The following ERAP2 variants were observed in gnomAD, a reference collection of about 807,000 sequenced individuals.
ERAP2 encodes the protein leukocyte-derived arginine aminopeptidase.
In ERAP2, 118 loss-of-function variants were observed where a neutral mutation model predicts 111.1. The ratio of observed to expected loss-of-function variants is 1.06; its 90% CI spans 0.92 to 1.24. The LOEUF is 1.24. ERAP2 is among the 50% of genes most tolerant of loss of function. The probability of loss-of-function intolerance (pLI) is 0.00; values close to 1 mark genes in which losing one functional copy is unlikely to be tolerated. For synonymous variants in ERAP2, 410 were observed against 401.2 expected (o/e 1.02, Z -0.26); for missense variants, 1,131 against 1,125.8 (o/e 1.00, Z -0.07).
rs747564502 is a variant in ERAP2 at position 96,901,699 on chromosome 5, T to A, written c.1748+18T>A. 1 of 1,611,292 alleles carries A rather than the reference T, an allele frequency of 6.2e-7. No individual in the cohort carries two copies. The highest frequency in any genetic ancestry group is 8.5e-7 in the Non-Finnish European group (1 of 1,178,994). ...CAGGAGAGGTGGCTGCTTTTCTTCT[T>A]TAGGTCTAGCTTACCTCATCTCAGT... On this transcript the variant is annotated intron_variant, in intron 11 of 18. Coordinates refer to ENST00000437043, the MANE Select transcript of ERAP2 (RefSeq NM_022350.5).
At chr5:96,897,287 A>G (rs2151164026) in intron 9 of ERAP2, among the ~76,000 whole-genome samples, 1 of 152,308 alleles carries the variant, frequency 6.6e-6, no homozygotes, top group East Asian at 1.9e-4. Context: ...TCTCTAGATC[A>G]TTGTGCCTAT....
At chr5:96,882,052 G>C (rs1431747746) in intron 2 of ERAP2, among the ~76,000 whole-genome samples, 3 of 152,110 alleles carry the variant, frequency 2.0e-5, no homozygotes, top group Admixed American at 2.0e-4. Context: ...TCACTGCACA[G>C]CCTGCAGCCA....
intron 15 of ERAP2, among the ~76,000 whole-genome samples, chr5:96,910,668 A>C (rs1220036269): frequency 6.6e-6 from 1 of 152,244 alleles, no homozygotes; most frequent in African/African-American, 2.4e-5. Flanking sequence ...AACATGTTGA[A>C]TATACCTATG....
intron 13 of ERAP2, among the ~76,000 whole-genome samples, chr5:96,906,767 C>T (rs927534326): frequency 5.3e-5 from 8 of 152,230 alleles, no homozygotes; most frequent in Admixed American, 3.3e-4. Flanking sequence ...CGCAGTGGCT[C>T]ACGCCTGTAA....
intron 3 of ERAP2, among the ~76,000 whole-genome samples, chr5:96,885,930 A>C (rs1783672785): frequency 6.6e-6 from 1 of 152,196 alleles, no homozygotes; most frequent in African/African-American, 2.4e-5. Context: ...CAGGAGATGG[A>C]CAGAAGCTTA....
chr5:96,902,437 A>G (rs1785577048), intron 12 of ERAP2, 84 bp downstream of exon 12: 2 of 781,324 alleles, frequency 2.6e-6, no homozygotes, highest in East Asian at 5.2e-5. Context: ...TACAATAAGT[A>G]AATCTAACAA....
At chr5:96,912,945 A>G (rs1372361048) in intron 16 of ERAP2, 147 bp downstream of exon 16, 7 of 657,376 alleles carry the variant, frequency 1.1e-5, no homozygotes, top group Non-Finnish European at 1.7e-5. Flanking sequence ...AAAAGAATAT[A>G]TTGACAAAAT....
chr5:96,914,141 C>G (rs1298895646), intron 17 of ERAP2, among the ~76,000 whole-genome samples: 1 of 111,526 alleles, frequency 9.0e-6, no homozygotes, highest in Non-Finnish European at 1.9e-5. Context: ...CTCTCTCTCT[C>G]TCTCTCTCAC....
chr5:96,917,404 A>T, intron 18 of ERAP2, 58 bp from the exon 19 acceptor site: 1 of 1,431,794 alleles, frequency 7.0e-7, no homozygotes, highest in Non-Finnish European at 9.5e-7. Flanking sequence ...TACAGGTGTG[A>T]ACCACCACAC....
chr5:96,910,385 AG>A (rs1277972319), intron 15 of ERAP2: 3 of 152,112 alleles, frequency 2.0e-5, no homozygotes, highest in Non-Finnish European at 4.4e-5. Flanking sequence ...TTTTTAAAAA[AG>A]TAATTCAAGT....
chr5:96,881,095 G>C (rs1783077444), intron 2 of ERAP2: 1 of 246,344 alleles, frequency 4.1e-6, no homozygotes, highest in Non-Finnish European at 8.2e-6. Flanking sequence ...GCGAACAAGA[G>C]GGAGAAAGGG....
rs562039217 is a variant in ERAP2, at chr5:96,881,860, C to G, written c.575+1600C>G. 2.0e-5 allele frequency among the ~76,000 whole-genome samples: 3 copies of G among 152,288 alleles called. No individual in the cohort carries two copies. The South Asian group carries it at 6.2e-4, about 32-fold the overall frequency. The stretch of plus-strand genomic sequence containing the variant: ...TTCCCACCCAATGACTTCAGCTAGA[C>G]CAGAATGAGTCATAGCCTCACCAAG... On this transcript the variant is annotated intron_variant, in intron 2 of 18. Coordinates refer to ENST00000437043, the MANE Select transcript of ERAP2 (RefSeq NM_022350.5).
At chr5:96,914,607 C>T (rs1226953983) in intron 17 of ERAP2, among the ~76,000 whole-genome samples, 1 of 152,234 alleles carries the variant, frequency 6.6e-6, no homozygotes, top group Admixed American at 6.5e-5. Context: ...CCCTGCCCAA[C>T]CATGTGCAGA....
rs1214503710 is a variant in ERAP2 at position 96,909,043 on chromosome 5, G to A, written c.2095G>A (p.Gly699Ser). 1.2e-6 allele frequency: 2 copies of A among 1,614,018 alleles called. No individual in the cohort carries two copies. Among genetic ancestry groups the A allele is most frequent in the Admixed American group, 1.7e-5 (1 of 60,002 alleles). ...AACAAGCAGCCCCGCACTTCTCGAA[G>A]GTCTGAGTTACTTGGAATCGTTTTA... ...HETSSPALLE[G>S]LSYLESFYHM... is the part of the protein sequence containing the mutation. Residue 699 changes from glycine to serine, a missense_variant, in exon 14 of 19, where the codon GGT (glycine) becomes AGT (serine). By Grantham distance (56) the Gly-to-Ser change is moderately conservative. Coordinates refer to ENST00000437043, the MANE Select transcript of ERAP2 (RefSeq NM_022350.5).
At position 96,899,759 on chromosome 5, in the gene ERAP2, T is replaced by C. The variant is rs138109195; in HGVS notation, c.1504-362T>C. 8.4e-3 allele frequency among the ~76,000 whole-genome samples: 1,275 copies of C among 152,282 alleles called. 7 individuals are homozygous for C. Among genetic ancestry groups the C allele is most frequent in the Non-Finnish European group, 0.012 (829 of 68,006 alleles). On this transcript the variant is annotated intron_variant, in intron 9 of 18. Coordinates refer to ENST00000437043, the MANE Select transcript of ERAP2 (RefSeq NM_022350.5). Reference sequence around the variant, plus strand: ...GTACTAGACAGAGTTGCCTACATGCTAAATAGGGGCATACATAACATGCAG... The same window carrying C: ...GTACTAGACAGAGTTGCCTACATGCCAAATAGGGGCATACATAACATGCAG...
chr5:96,878,978 G>A (rs1424492115), intron 1 of ERAP2, among the ~76,000 whole-genome samples: 1 of 152,098 alleles, frequency 6.6e-6, no homozygotes, highest in Non-Finnish European at 1.5e-5. Context: ...AGTGGCTCAC[G>A]CTTGTAATCC....
intron 3 of ERAP2, among the ~76,000 whole-genome samples, 191 bp downstream of exon 3, chr5:96,884,121 G>C (rs1344366625): frequency 1.4e-5 from 2 of 148,072 alleles, no homozygotes; most frequent in Non-Finnish European, 3.0e-5. Flanking sequence ...ACATCATTCT[G>C]TTTGGGGCAT....
chr5:96,913,908 G>C (rs953725024), intron 17 of ERAP2, among the ~76,000 whole-genome samples: 2 of 152,162 alleles, frequency 1.3e-5, no homozygotes, highest in African/African-American at 4.8e-5. Flanking sequence ...CTGTGGAGGT[G>C]GCACAGTGGA....
At chr5:96,894,392 G>A (rs1784661571) in intron 6 of ERAP2, among the ~76,000 whole-genome samples, 1 of 152,112 alleles carries the variant, frequency 6.6e-6, no homozygotes, top group Non-Finnish European at 1.5e-5. Context: ...GTTTCTAGAA[G>A]CTACAGACTT....
Sources: allele counts gnomAD v4.1 joint callset (sites outside exome capture counted in the v4.1 genomes callset), GRCh38; gene constraint gnomAD v4.1.1; transcripts MANE v1.5; gene names NCBI Gene and HGNC (gene_info 2026-07-23, HGNC 2026-07-21).